Variants in RGS6 observed in about 807,000 individuals in gnomAD.
The protein encoded by RGS6 is regulator of G protein signaling 6.
In RGS6, 30 loss-of-function variants were observed where a neutral mutation model predicts 78.5. The ratio of observed to expected loss-of-function variants is 0.38; its 90% CI spans 0.29 to 0.52. The LOEUF (loss-of-function observed/expected upper bound fraction) is 0.52, where lower values mean the gene tolerates loss of function less well. Among genes scored for constraint, RGS6 ranks in the 20% least tolerant of loss-of-function variants. RGS6 has a pLI of 0.85. For synonymous variants in RGS6, 206 were observed against 206.0 expected, an observed-to-expected ratio of 1.00 and a Z score of 0.00; for missense variants, 495 against 609.7, an observed-to-expected ratio of 0.81 and a Z score of 1.98.
At chr14:72,180,060 A>G (rs1001123326) in intron 2 of RGS6, among the ~76,000 whole-genome samples, 2 of 152,220 alleles carry the variant, frequency 1.3e-5, no homozygotes, top group Non-Finnish European at 1.5e-5. Flanking sequence ...TTAGAGGTGC[A>G]AAACTAATGG....
At chr14:72,094,251 G>A (rs2095350383) in intron 2 of RGS6, among the ~76,000 whole-genome samples, 1 of 152,214 alleles carries the variant, frequency 6.6e-6, no homozygotes, top group South Asian at 2.1e-4. Flanking sequence ...GTGCCCAGCT[G>A]CAGTGCCTGG....
chr14:72,224,423 A>T (rs1408553223), intron 2 of RGS6, among the ~76,000 whole-genome samples: 2 of 146,878 alleles, frequency 1.4e-5, no homozygotes, highest in East Asian at 3.9e-4. Context: ...TCTCAAAAAA[A>T]AGAAGAAGAA....
At chr14:71,970,507 G>A (rs2093736538) in intron 2 of RGS6, among the ~76,000 whole-genome samples, 1 of 152,190 alleles carries the variant, frequency 6.6e-6, no homozygotes, top group Admixed American at 6.5e-5. Context: ...GCAGCAAGAA[G>A]GGAAGGATCT....
chr14:72,059,525 C>G (rs1002808503), intron 2 of RGS6, among the ~76,000 whole-genome samples: 2 of 152,082 alleles, frequency 1.3e-5, no homozygotes, highest in African/African-American at 4.8e-5. Flanking sequence ...GTGTTTTAAG[C>G]CTGGTACTGT....
chr14:72,274,617 T>C (rs989386068), intron 2 of RGS6, among the ~76,000 whole-genome samples: 3 of 152,154 alleles, frequency 2.0e-5, no homozygotes, highest in Non-Finnish European at 4.4e-5. Context: ...AATTACAATA[T>C]GGAGATTGGC....
At position 72,081,381 on chromosome 14, in the gene RGS6, T is replaced by A. The variant is rs1041800102; in HGVS notation, c.84+116506T>A. On this transcript the variant is annotated intron_variant, in intron 2 of 17. Transcript: ENST00000553525. ...CATATTTTATCTTCTTGAGATCTTT[T>A]CTGTTTACTTTTTATTTGATTGAGA... 3.9e-5 allele frequency among the ~76,000 whole-genome samples: 6 copies of A among 152,262 alleles called. No homozygotes were observed. In the East Asian group the frequency reaches 5.8e-4, roughly 15 times the overall value.
chr14:72,385,005 C>T (rs111491620), intron 3 of RGS6, among the ~76,000 whole-genome samples: 10,982 of 152,242 alleles, frequency 0.072, 523 homozygotes, highest in African/African-American at 0.14. Context: ...CCATCTCAGC[C>T]TCCCAAAGTG....
intron 3 of RGS6, among the ~76,000 whole-genome samples, chr14:72,388,627 C>G (rs373719714): frequency 4.6e-5 from 7 of 152,112 alleles, no homozygotes; most frequent in Non-Finnish European, 1.0e-4. Flanking sequence ...GATGGTCTCC[C>G]TTAGACAGCC....
intron 2 of RGS6, among the ~76,000 whole-genome samples, chr14:71,980,240 T>C (rs2153114643): frequency 1.0e-5 from 1 of 95,756 alleles, no homozygotes; most frequent in East Asian, 3.1e-4. Context: ...GTCTTTTAAT[T>C]GGAGCATTTA....
intron 17 of RGS6, chr14:72,540,359 T>C: frequency 6.9e-7 from 1 of 1,453,354 alleles, no homozygotes; most frequent in Non-Finnish European, 9.0e-7. Context: ...TTTGATCATC[T>C]GTTCAGGGCT....
intron 1 of RGS6, among the ~76,000 whole-genome samples, chr14:71,937,210 A>G (rs567851286): frequency 2.0e-5 from 3 of 152,222 alleles, no homozygotes; most frequent in Non-Finnish European, 4.4e-5. Flanking sequence ...GGAGTATCCC[A>G]AACTGTCCAG....
chr14:71,990,919 T>A (rs1168921364), intron 2 of RGS6: 1 of 448,926 alleles, frequency 2.2e-6, no homozygotes, highest in Non-Finnish European at 4.5e-6. Flanking sequence ...CTCCACATAG[T>A]TGGCATCGGA....
chr14:72,084,307 G>C (rs71427149), intron 2 of RGS6, among the ~76,000 whole-genome samples: 1 of 152,204 alleles, frequency 6.6e-6, no homozygotes, highest in Non-Finnish European at 1.5e-5. Context: ...GTGAGGCTCA[G>C]GTGGTAATGC....
the RGS6 span, among the ~76,000 whole-genome samples, chr14:72,582,820 T>C: frequency 6.6e-6 from 1 of 152,136 alleles, no homozygotes; most frequent in African/African-American, 2.4e-5. Context: ...CATGGTGTGA[T>C]GATTGATTTT....
chr14:72,612,171 G>C, the RGS6 span, among the ~76,000 whole-genome samples: 4 of 152,156 alleles, frequency 2.6e-5, no homozygotes, highest in Non-Finnish European at 2.9e-5. Flanking sequence ...GCAGATGAGT[G>C]GGGGGCAGCT....
the RGS6 span, chr14:72,594,377 A>G: frequency 6.6e-6 from 1 of 152,198 alleles, no homozygotes; most frequent in African/African-American, 2.4e-5. Context: ...CAAAGGAAAT[A>G]AAAAGCCTAG....
intron 2 of RGS6, among the ~76,000 whole-genome samples, chr14:72,013,547 G>A (rs3784054): frequency 0.075 from 11,486 of 152,182 alleles, 1,006 homozygotes; most frequent in East Asian, 0.21. Flanking sequence ...TTGCCATTTC[G>A]TTTGTGAACA....
intron 17 of RGS6, among the ~76,000 whole-genome samples, chr14:72,559,377 T>G (rs1270101670): frequency 1.3e-5 from 2 of 152,210 alleles, no homozygotes; most frequent in Admixed American, 1.3e-4. Flanking sequence ...GATTGCAGTA[T>G]TTCTTCCCCA....
chr14:71,932,419 C>G (rs1434236516), upstream of RGS6: 1 of 151,600 alleles, frequency 6.6e-6, no homozygotes, highest in Non-Finnish European at 1.5e-5. Flanking sequence ...AGCTCGCGGG[C>G]CGCGGAGCTG....
Sources: gnomAD v4.1 joint callset for allele counts (sites outside exome capture counted in the v4.1 genomes callset) on GRCh38, gnomAD v4.1.1 for gene constraint, MANE v1.5 for transcripts, NCBI Gene and HGNC (gene_info 2026-07-23, HGNC 2026-07-21) for gene names.